Variants in CDKAL1 observed in about 807,000 individuals in gnomAD.
CDKAL1 encodes threonylcarbamoyladenosine tRNA methylthiotransferase.
Under a neutral mutation model 68.2 loss-of-function variants are expected in CDKAL1, and 32 were observed. The observed-to-expected ratio is 0.47, with a 90% CI of 0.35 to 0.63. CDKAL1 has a LOEUF of 0.63. CDKAL1 is among the 30% of genes least tolerant of loss of function. The probability of loss-of-function intolerance (pLI) is 0.00; values close to 1 mark genes in which losing one functional copy is unlikely to be tolerated. For missense variants in CDKAL1, 606 were observed against 696.7 expected (o/e 0.87, Z 1.47); for synonymous variants, 234 against 244.3 (o/e 0.96, Z 0.39).
At chr6:20,647,249 G>A (rs781651217) in intron 4 of CDKAL1, among the ~76,000 whole-genome samples, 2 of 152,166 alleles carry the variant, frequency 1.3e-5, no homozygotes, top group Non-Finnish European at 2.9e-5. Flanking sequence ...ATATAGTTAC[G>A]AGTAAGGTGT....
At chr6:20,993,722 G>A (rs909245873) in intron 10 of CDKAL1, among the ~76,000 whole-genome samples, 1 of 152,080 alleles carries the variant, frequency 6.6e-6, no homozygotes, top group African/African-American at 2.4e-5. Context: ...AATTAAGTCT[G>A]TTTTCATTCA....
At chr6:20,946,577 G>C (rs139171563) in intron 9 of CDKAL1, among the ~76,000 whole-genome samples, 17 of 148,022 alleles carry the variant, frequency 1.1e-4, no homozygotes, top group African/African-American at 4.2e-4. Context: ...ATGTAATCCA[G>C]TACCACAATC....
At chr6:21,104,775 T>C (rs1411835100) in intron 12 of CDKAL1, among the ~76,000 whole-genome samples, 1 of 152,216 alleles carries the variant, frequency 6.6e-6, no homozygotes, top group Non-Finnish European at 1.5e-5. Context: ...ATATGAATAG[T>C]GTTACTTAGT....
chr6:21,160,298 TC>T (rs1776849580), intron 13 of CDKAL1, among the ~76,000 whole-genome samples: 1 of 152,018 alleles, frequency 6.6e-6, no homozygotes, highest in East Asian at 1.9e-4. Flanking sequence ...TTCTTTTTTT[TC>T]TTTTTTTCTT....
intron 13 of CDKAL1, among the ~76,000 whole-genome samples, chr6:21,146,185 A>G (rs764531439): frequency 6.6e-6 from 1 of 152,158 alleles, no homozygotes; most frequent in Admixed American, 6.5e-5. Context: ...GGTATCAGGG[A>G]CCAGGCATTT....
At chr6:20,597,897 T>C (rs951222334) in intron 4 of CDKAL1, among the ~76,000 whole-genome samples, 1 of 152,242 alleles carries the variant, frequency 6.6e-6, no homozygotes, top group Non-Finnish European at 1.5e-5. Context: ...TAGACACGAT[T>C]GAAATAAATG....
At chr6:20,912,402 T>C (rs902058837) in intron 9 of CDKAL1, among the ~76,000 whole-genome samples, 3 of 152,070 alleles carry the variant, frequency 2.0e-5, no homozygotes, top group African/African-American at 7.2e-5. Flanking sequence ...ACGAGTACTT[T>C]TATGAGGGAA....
chr6:20,952,276 G>A (rs1294127351), intron 9 of CDKAL1, among the ~76,000 whole-genome samples: 1 of 151,990 alleles, frequency 6.6e-6, no homozygotes, highest in Non-Finnish European at 1.5e-5. Context: ...TCATTTTCAT[G>A]TGTTTATTTT....
chr6:20,892,429 T>G (rs1761457550), intron 9 of CDKAL1, among the ~76,000 whole-genome samples: 1 of 152,224 alleles, frequency 6.6e-6, no homozygotes, highest in Non-Finnish European at 1.5e-5. Flanking sequence ...TTTTAAGGTA[T>G]GGTAATAATG....
At chr6:20,668,447 T>G (rs1274744448) in intron 5 of CDKAL1, among the ~76,000 whole-genome samples, 6 of 152,192 alleles carry the variant, frequency 3.9e-5, no homozygotes, top group African/African-American at 1.2e-4. Context: ...TCTTTCTGCC[T>G]CAGCCTCCTG....
At chr6:20,808,921 G>C (rs927955388) in intron 8 of CDKAL1, among the ~76,000 whole-genome samples, 1 of 152,150 alleles carries the variant, frequency 6.6e-6, no homozygotes, top group Non-Finnish European at 1.5e-5. Flanking sequence ...AGCTGTTTCA[G>C]ATTCTCTTCT....
intron 8 of CDKAL1, among the ~76,000 whole-genome samples, chr6:20,835,142 G>C (rs886833420): frequency 1.3e-5 from 2 of 152,088 alleles, no homozygotes; most frequent in African/African-American, 4.8e-5. Flanking sequence ...TAGAGGGAGA[G>C]GTGACAGAGA....
At chr6:20,692,173 A>G (rs1770899957) in intron 5 of CDKAL1, among the ~76,000 whole-genome samples, 1 of 152,180 alleles carries the variant, frequency 6.6e-6, no homozygotes, top group African/African-American at 2.4e-5. Flanking sequence ...GGCTTAATAG[A>G]GTACATATGA....
intron 9 of CDKAL1, among the ~76,000 whole-genome samples, chr6:20,873,259 T>C (rs1454728822): frequency 6.6e-6 from 1 of 152,174 alleles, no homozygotes; most frequent in African/African-American, 2.4e-5. Flanking sequence ...TCTCAGTCTT[T>C]AGTGTGATAA....
At chr6:21,229,237 G>GTT (rs1371452863) in intron 15 of CDKAL1, among the ~76,000 whole-genome samples, 1 of 152,148 alleles carries the variant, frequency 6.6e-6, no homozygotes. Flanking sequence ...TGTAGAAGTT[G>GTT]TTTTCATTTC....
At chr6:20,540,030 A>C (rs1192955967) in intron 2 of CDKAL1, among the ~76,000 whole-genome samples, 1 of 151,102 alleles carries the variant, frequency 6.6e-6, no homozygotes, top group African/African-American at 2.4e-5. Context: ...TGACAGAAAG[A>C]GGGGAGTGCA....
At chr6:20,786,955 T>C (rs1775703506) in intron 8 of CDKAL1, among the ~76,000 whole-genome samples, 1 of 152,190 alleles carries the variant, frequency 6.6e-6, no homozygotes, top group Non-Finnish European at 1.5e-5. Flanking sequence ...TTGACAGTTC[T>C]TTGGCAATTT....
At chr6:21,148,698 T>C (rs1776283966) in intron 13 of CDKAL1, among the ~76,000 whole-genome samples, 1 of 152,094 alleles carries the variant, frequency 6.6e-6, no homozygotes, top group Non-Finnish European at 1.5e-5. Context: ...TTGAAGAAAA[T>C]GGTAAGTTTT....
At chr6:20,567,745 A>G (rs1764517769) in intron 4 of CDKAL1, among the ~76,000 whole-genome samples, 1 of 152,046 alleles carries the variant, frequency 6.6e-6, no homozygotes, top group South Asian at 2.1e-4. Flanking sequence ...ACGAGGTTTT[A>G]CTTTGTGGCC....
Sources: allele counts gnomAD v4.1 joint callset (sites outside exome capture counted in the v4.1 genomes callset), GRCh38; gene constraint gnomAD v4.1.1; transcripts MANE v1.5; gene names NCBI Gene and HGNC (gene_info 2026-07-23, HGNC 2026-07-21).